The following KPNA7 variants were observed in gnomAD, a reference collection of about 807,000 sequenced individuals.
The protein encoded by KPNA7 is importin subunit alpha-8.
KPNA7 carries 54 observed loss-of-function variants against 53.7 expected under a neutral mutation model. The observed-to-expected ratio is 1.01, with a 90% CI of 0.81 to 1.26. The LOEUF is 1.26. KPNA7 is among the 50% of genes most tolerant of loss of function. The pLI is 0.00. For missense variants in KPNA7, 640 were observed against 644.5 expected (o/e 0.99, Z 0.07); for synonymous variants, 276 against 259.3 (o/e 1.06, Z -0.62).
downstream of KPNA7, among the ~76,000 whole-genome samples, chr7:99,170,842 T>C (rs1429955560): frequency 6.6e-6 from 1 of 152,158 alleles, no homozygotes; most frequent in Non-Finnish European, 1.5e-5. Flanking sequence ...AACCCAACAC[T>C]GAAAACTAGA....
intron 1 of KPNA7, among the ~76,000 whole-genome samples, 75 bp downstream of exon 1, chr7:99,207,953 G>T (rs983125490): frequency 2.0e-5 from 3 of 150,620 alleles, no homozygotes; most frequent in African/African-American, 7.3e-5. Flanking sequence ...TATTTTTTGG[G>T]ACCAGAGAAG....
In KPNA7 at chr7:99,178,030, GAC is replaced by G. The variant is rs910773632; in HGVS notation, c.1352_1353del (p.Cys451SerfsTer11). The part of the protein sequence containing the change: ...AEKRSEKENL[C>X]LLIEELGGID... ...ATCCCACCAAGTTCTTCTATCAGAA[GAC>G]ACAGGTTTTCCTTCTCAGACCGTTT... On this transcript the variant is annotated frameshift_variant, in exon 10 of 11. Coordinates refer to ENST00000327442, the MANE Select transcript of KPNA7 (RefSeq NM_001145715.3). LOFTEE classifies it high-confidence loss of function. The G allele has an allele frequency of 1.2e-5, 18 of 1,551,558 alleles. No homozygotes were observed. In the African/African-American group the frequency reaches 2.5e-4, roughly 21 times the overall value.
At chr7:99,212,101 C>T (rs569772675), upstream of KPNA7, among the ~76,000 whole-genome samples, 1 of 152,060 alleles carries the variant, frequency 6.6e-6, no homozygotes, top group Non-Finnish European at 1.5e-5. Flanking sequence ...CAACTTCAAG[C>T]TCGAGGTAGC....
intron 6 of KPNA7, among the ~76,000 whole-genome samples, chr7:99,190,064 C>A (rs180794810): frequency 6.6e-6 from 1 of 151,296 alleles, no homozygotes; most frequent in African/African-American, 2.4e-5. Flanking sequence ...CTCGGCTGGG[C>A]GTGGTGGCTC....
chr7:99,205,410 CAAA>C (rs61410237), intron 2 of KPNA7, among the ~76,000 whole-genome samples: 10 of 109,802 alleles, frequency 9.1e-5, no homozygotes, highest in Admixed American at 2.8e-4. Flanking sequence ...GACTCCATCT[CAAA>C]AAAAAAAAAA....
upstream of KPNA7, among the ~76,000 whole-genome samples, chr7:99,208,342 G>A (rs987165006): frequency 3.9e-5 from 6 of 151,998 alleles, no homozygotes; most frequent in South Asian, 2.1e-4. Context: ...TGCAAGCTCC[G>A]CCTCCCGGGT....
chr7:99,204,028 A>C (rs774292911), intron 2 of KPNA7, among the ~76,000 whole-genome samples: 11 of 151,528 alleles, frequency 7.3e-5, no homozygotes, highest in Non-Finnish European at 1.5e-4. Flanking sequence ...CTATTAATGA[A>C]ACCTGTCTAT....
chr7:99,170,207 C>A (rs535558069), downstream of KPNA7, among the ~76,000 whole-genome samples: 4 of 152,224 alleles, frequency 2.6e-5, no homozygotes, highest in South Asian at 8.3e-4. Flanking sequence ...GAAGCCTTTG[C>A]CATAGGCACA....
chr7:99,177,874 CCCA>C, intron 10 of KPNA7, 43 bp downstream of exon 10: 1 of 1,544,098 alleles, frequency 6.5e-7, no homozygotes, highest in Non-Finnish European at 8.7e-7. Flanking sequence ...GCAGAGCTGC[CCCA>C]CCAAGACCCC....
intron 10 of KPNA7, among the ~76,000 whole-genome samples, chr7:99,175,433 C>T (rs908650019): frequency 6.6e-6 from 1 of 152,110 alleles, no homozygotes; most frequent in Non-Finnish European, 1.5e-5. Context: ...CCTGTCTTAG[C>T]TTCCCAAAGT....
At chr7:99,190,093 C>T (rs1381946435) in intron 6 of KPNA7, among the ~76,000 whole-genome samples, 4 of 151,786 alleles carry the variant, frequency 2.6e-5, no homozygotes, top group African/African-American at 7.3e-5. Flanking sequence ...AACCCCAACA[C>T]TTTGGGAGGC....
upstream of KPNA7, among the ~76,000 whole-genome samples, chr7:99,212,597 CTTT>C (rs921617752): frequency 1.3e-5 from 2 of 151,794 alleles, no homozygotes; most frequent in African/African-American, 4.8e-5. Context: ...GGAAGCGTTG[CTTT>C]TTAAGACTAA....
At chr7:99,194,163 T>C (rs1382869111) in intron 5 of KPNA7, among the ~76,000 whole-genome samples, 2 of 152,158 alleles carry the variant, frequency 1.3e-5, no homozygotes, top group African/African-American at 2.4e-5. Flanking sequence ...AGGGACCTAA[T>C]TGAGTTTTCC....
chr7:99,190,589 GCAA>G (rs957255155), intron 6 of KPNA7, among the ~76,000 whole-genome samples: 5 of 151,998 alleles, frequency 3.3e-5, no homozygotes, highest in East Asian at 3.9e-4. Context: ...GGCTTCTGTG[GCAA>G]CAACAACTGT....
At chr7:99,169,385 CG>C (rs1173329514), downstream of KPNA7, among the ~76,000 whole-genome samples, 2 of 151,638 alleles carry the variant, frequency 1.3e-5, no homozygotes, top group Admixed American at 1.3e-4. Flanking sequence ...TTTGGGAGGC[CG>C]AGGTGGGCAG....
At chr7:99,200,643 A>G (rs1195589784) in intron 3 of KPNA7, among the ~76,000 whole-genome samples, 6 of 151,890 alleles carry the variant, frequency 4.0e-5, no homozygotes, top group Non-Finnish European at 8.8e-5. Flanking sequence ...ATTCATCATA[A>G]CAACCAAAAA....
intron 3 of KPNA7, among the ~76,000 whole-genome samples, chr7:99,201,855 C>A (rs34715870): frequency 0.079 from 11,964 of 151,594 alleles, 505 homozygotes; most frequent in South Asian, 0.15. Flanking sequence ...TTACAGGCAC[C>A]CACTACCACA....
chr7:99,194,761 T>G (rs181773118), intron 5 of KPNA7, among the ~76,000 whole-genome samples: 1 of 152,072 alleles, frequency 6.6e-6, no homozygotes, highest in African/African-American at 2.4e-5. Context: ...TGCACCACCA[T>G]GCCTGGCTAA....
At chr7:99,168,747 C>T (rs1054117000), downstream of KPNA7, among the ~76,000 whole-genome samples, 1 of 152,186 alleles carries the variant, frequency 6.6e-6, no homozygotes. Context: ...ATTCTTCCAC[C>T]TCGGTCTCCT....
Sources: gnomAD v4.1 joint callset for allele counts (sites outside exome capture counted in the v4.1 genomes callset) on GRCh38, gnomAD v4.1.1 for gene constraint, MANE v1.5 for transcripts, NCBI Gene and HGNC (gene_info 2026-07-23, HGNC 2026-07-21) for gene names.